Variants in KITLG observed in about 807,000 individuals in gnomAD.
KITLG encodes the protein KIT ligand, also known as c-Kit ligand.
In KITLG, 13 loss-of-function variants were observed where a neutral mutation model predicts 34.1. That is an observed-to-expected ratio of 0.38 (90% CI 0.25 to 0.61). The LOEUF is 0.61. Among genes scored for constraint, KITLG ranks in the 20% least tolerant of loss-of-function variants. KITLG has a pLI of 0.60. For synonymous variants in KITLG, 110 were observed against 104.0 expected, an observed-to-expected ratio of 1.06 and a Z score of -0.35; for missense variants, 292 against 318.9, an observed-to-expected ratio of 0.92 and a Z score of 0.64.
rs954311671 is a variant in KITLG at position 88,527,219 on chromosome 12, C to T, written c.192+5222G>A. ...TTGAAGCAGCTCCTTTTCCTGTTTCCTAAGAGCAGCAAAAAGCCATTCAAT... is the reference window on the plus strand; with the variant it reads ...TTGAAGCAGCTCCTTTTCCTGTTTCTTAAGAGCAGCAAAAAGCCATTCAAT... On this transcript the variant is annotated intron_variant, in intron 3 of 9. Coordinates refer to ENST00000644744, the MANE Select transcript of KITLG (RefSeq NM_000899.5). Among the ~76,000 whole-genome samples, 23 of 152,132 alleles carry T rather than the reference C, an allele frequency of 1.5e-4. 1 individual carries two copies. The highest frequency in any genetic ancestry group is 6.8e-3 in the Middle Eastern group (2 of 294).
chr12:88,551,835 G>A (rs1221891959), intron 1 of KITLG, among the ~76,000 whole-genome samples: 1 of 152,236 alleles, frequency 6.6e-6, no homozygotes, highest in East Asian at 1.9e-4. Context: ...ACATGATTAC[G>A]TTAAGAACTA....
At chr12:88,579,728 C>A (rs1022266140) in intron 1 of KITLG, among the ~76,000 whole-genome samples, 1 of 152,038 alleles carries the variant, frequency 6.6e-6, no homozygotes, top group Non-Finnish European at 1.5e-5. Context: ...GTTCCCGCCC[C>A]GCCGAGAGCT....
intron 2 of KITLG, among the ~76,000 whole-genome samples, chr12:88,534,985 G>A (rs1452190327): frequency 1.3e-5 from 2 of 152,024 alleles, no homozygotes; most frequent in East Asian, 1.9e-4. Flanking sequence ...ATAGAAAAAC[G>A]CAGCAAGAAG....
intron 1 of KITLG, among the ~76,000 whole-genome samples, chr12:88,549,203 G>A (rs11104947): frequency 0.014 from 2,072 of 152,230 alleles, 62 homozygotes; most frequent in East Asian, 0.11. Context: ...GCTCATGTAG[G>A]GCGTTGAAGC....
intron 6 of KITLG, among the ~76,000 whole-genome samples, chr12:88,507,601 T>C (rs1869110977): frequency 1.3e-5 from 2 of 152,320 alleles, no homozygotes; most frequent in Middle Eastern, 6.8e-3. Context: ...TATTAAATAA[T>C]TGTATGTGCA....
intron 1 of KITLG, among the ~76,000 whole-genome samples, chr12:88,578,998 C>T (rs1236816224): frequency 4.6e-5 from 7 of 152,192 alleles, no homozygotes; most frequent in African/African-American, 1.7e-4. Flanking sequence ...AGGGGAGAGG[C>T]ACATCGCGTC....
intron 1 of KITLG, among the ~76,000 whole-genome samples, chr12:88,567,743 G>A (rs1357866064): frequency 6.6e-6 from 1 of 152,138 alleles, no homozygotes; most frequent in African/African-American, 2.4e-5. Flanking sequence ...AGGTTTTCTG[G>A]TACCTGTCCT....
At position 88,560,967 on chromosome 12, in the gene KITLG, CAAAAAAAA is replaced by C. The variant is rs34851499; in HGVS notation, c.16-15110_16-15103del. On this transcript the variant is annotated intron_variant, in intron 1 of 9. Transcript: ENST00000644744. ...TGGGTAACAAAGCGAGACTCTGTCT[CAAAAAAAA>C]AAAAAAAAAAAAAAAAAAGAAAGAA... Among the ~76,000 whole-genome samples, 383 of 58,146 alleles carry C rather than the reference CAAAAAAAA, an allele frequency of 6.6e-3. 3 individuals carry two copies. The highest frequency in any genetic ancestry group is 8.7e-3 in the Non-Finnish European group (319 of 36,702). The allele number at this position is 58,146 out of a possible 152,430, so 38.1% of individuals were successfully genotyped here.
intron 1 of KITLG, among the ~76,000 whole-genome samples, chr12:88,568,030 A>T (rs1239564489): frequency 3.9e-5 from 6 of 152,208 alleles, no homozygotes; most frequent in African/African-American, 1.2e-4. Flanking sequence ...TTATTGCTCA[A>T]GTCTGAGAAC....
chr12:88,518,634 A>G (rs1289769732), intron 4 of KITLG, 63 bp downstream of exon 4: 10 of 1,317,804 alleles, frequency 7.6e-6, no homozygotes, highest in Non-Finnish European at 3.3e-6. Flanking sequence ...CCCCAACAGC[A>G]CCAAGAAGCA....
chr12:88,565,049 C>T (rs1871400707), intron 1 of KITLG, among the ~76,000 whole-genome samples: 1 of 152,198 alleles, frequency 6.6e-6, no homozygotes, highest in African/African-American at 2.4e-5. Context: ...TTTTGCTGAA[C>T]TCCTTAACCA....
intron 2 of KITLG, among the ~76,000 whole-genome samples, chr12:88,533,084 G>A (rs985069285): frequency 6.6e-6 from 1 of 152,146 alleles, no homozygotes; most frequent in South Asian, 2.1e-4. Context: ...TGCTACTTAT[G>A]AGATGCAAAT....
intron 1 of KITLG, among the ~76,000 whole-genome samples, chr12:88,560,516 G>T (rs1039294934): frequency 2.6e-5 from 4 of 152,140 alleles, no homozygotes; most frequent in African/African-American, 9.7e-5. Flanking sequence ...ACTGCCCCCT[G>T]AGCTTGGATT....
chr12:88,494,039 C>T lies in KITLG; in HGVS notation c.*3180G>A, dbSNP rs551493097. The stretch of plus-strand genomic sequence containing the variant: ...GTTAGTTTCAATGCTATTTTGTCTT[C>T]TTTGTCGGTCATATTGCAATAGGAC... On this transcript the variant is annotated 3_prime_UTR_variant, in exon 10 of 10. Transcript: ENST00000644744. 6.6e-6 allele frequency: 1 copy of T among 151,928 alleles called. No individual in the cohort carries two copies. The highest frequency in any genetic ancestry group is 2.1e-4 in the South Asian group (1 of 4,826). The allele number at this position is 151,928 out of a possible 1,614,324, so 9.4% of individuals were successfully genotyped here.
At chr12:88,578,416 C>G (rs904310018) in intron 1 of KITLG, among the ~76,000 whole-genome samples, 7 of 152,176 alleles carry the variant, frequency 4.6e-5, no homozygotes, top group Non-Finnish European at 8.8e-5. Flanking sequence ...GGTCACATAT[C>G]TAAAATACTT....
intron 2 of KITLG, among the ~76,000 whole-genome samples, chr12:88,535,238 T>A (rs1195327206): frequency 6.6e-6 from 1 of 152,062 alleles, no homozygotes; most frequent in African/African-American, 2.4e-5. Context: ...ATAAAAACAC[T>A]GAAATCTACA....
intron 2 of KITLG, among the ~76,000 whole-genome samples, chr12:88,544,272 C>T (rs1004920238): frequency 2.7e-4 from 41 of 152,054 alleles, no homozygotes; most frequent in Non-Finnish European, 3.7e-4. Flanking sequence ...ACAATTTATC[C>T]TCAGATCCCG....
At chr12:88,544,785 A>G (rs60353904) in intron 2 of KITLG, among the ~76,000 whole-genome samples, 9,703 of 152,154 alleles carry the variant, frequency 0.064, 628 homozygotes, top group East Asian at 0.23. Flanking sequence ...TTGAAGTTCT[A>G]TTATAAACCC....
At chr12:88,501,613 G>C (rs1225638868) in intron 9 of KITLG, among the ~76,000 whole-genome samples, 1 of 152,020 alleles carries the variant, frequency 6.6e-6, no homozygotes, top group South Asian at 2.1e-4. Context: ...TTCATATAAT[G>C]GGTAGTCAAT....
Sources: gnomAD v4.1 joint callset for allele counts (sites outside exome capture counted in the v4.1 genomes callset) on GRCh38, gnomAD v4.1.1 for gene constraint, MANE v1.5 for transcripts, NCBI Gene and HGNC (gene_info 2026-07-23, HGNC 2026-07-21) for gene names.